Variants in ITFG1 observed in about 807,000 individuals in gnomAD.
The protein encoded by ITFG1 is integrin alpha FG-GAP repeat containing 1, also known as T-cell immunomodulatory protein.
Under a neutral mutation model 81.8 loss-of-function variants are expected in ITFG1, and 34 were observed. The observed-to-expected ratio is 0.42, with a 90% CI of 0.32 to 0.55. The LOEUF is 0.55. Among genes scored for constraint, ITFG1 ranks in the 20% least tolerant of loss-of-function variants. The pLI, the probability that ITFG1 is intolerant of heterozygous loss-of-function variation, is 0.17. For synonymous variants in ITFG1, 285 were observed against 270.6 expected, an observed-to-expected ratio of 1.05 and a Z score of -0.52; for missense variants, 672 against 755.4, an observed-to-expected ratio of 0.89 and a Z score of 1.29.
intron 12 of ITFG1, among the ~76,000 whole-genome samples, chr16:47,241,661 G>C (rs985637077): frequency 3.9e-5 from 6 of 152,142 alleles, no homozygotes; most frequent in African/African-American, 9.7e-5. Context: ...GGGGGACTAA[G>C]AGTGACAGAC....
intron 6 of ITFG1, among the ~76,000 whole-genome samples, chr16:47,410,641 C>T (rs1287839689): frequency 1.3e-5 from 2 of 152,130 alleles, no homozygotes; most frequent in Non-Finnish European, 2.9e-5. Context: ...TGACGAGTTC[C>T]TGGCCCTAAA....
At chr16:47,185,489 A>T (rs1207084627) in intron 14 of ITFG1, among the ~76,000 whole-genome samples, 2 of 152,210 alleles carry the variant, frequency 1.3e-5, no homozygotes, top group African/African-American at 4.8e-5. Context: ...ATGGAAACTG[A>T]ACAACCTGCT....
At chr16:47,449,533 G>C (rs1969363390) in intron 5 of ITFG1, 2 of 152,172 alleles carry the variant, frequency 1.3e-5, no homozygotes, top group Non-Finnish European at 2.9e-5. Context: ...ATTTCTGTCA[G>C]CTTATATATC....
At chr16:47,437,773 C>T (rs554607906) in intron 5 of ITFG1, among the ~76,000 whole-genome samples, 62 of 152,322 alleles carry the variant, frequency 4.1e-4, no homozygotes, top group Non-Finnish European at 7.1e-4. Context: ...CTGTGAGTGA[C>T]GTAGAAGACG....
At position 47,226,301 on chromosome 16, in the gene ITFG1, C is replaced by T. The variant is rs150086248; in HGVS notation, c.1375-7355G>A. ...CTGGGCTCACTGCAACCTCCGCCTC[C>T]GGGGTTCAAGCAAGTCTTCTGCCTC... On this transcript the variant is annotated intron_variant, in intron 13 of 17. Coordinates refer to ENST00000320640, the MANE Select transcript of ITFG1 (RefSeq NM_030790.5). Among the ~76,000 whole-genome samples the T allele has an allele frequency of 9.8e-5, 15 of 152,318 alleles. No homozygotes were observed. In the East Asian group the frequency reaches 1.3e-3, roughly 14 times the overall value.
At chr16:47,266,363 G>T (rs1033500552) in intron 10 of ITFG1, among the ~76,000 whole-genome samples, 1 of 152,002 alleles carries the variant, frequency 6.6e-6, no homozygotes, top group Non-Finnish European at 1.5e-5. Flanking sequence ...AATTACAGGC[G>T]CCTGCAATCA....
intron 8 of ITFG1, among the ~76,000 whole-genome samples, chr16:47,318,778 A>G (rs1416620620): frequency 6.6e-6 from 1 of 152,190 alleles, no homozygotes; most frequent in Non-Finnish European, 1.5e-5. Flanking sequence ...AAGTTTTTGA[A>G]AAAAGAGTAG....
At chr16:47,224,629 G>A (rs1394465197) in intron 13 of ITFG1, among the ~76,000 whole-genome samples, 4 of 152,038 alleles carry the variant, frequency 2.6e-5, no homozygotes, top group East Asian at 1.9e-4. Flanking sequence ...TGGAGTTGAC[G>A]TATAGTTAAA....
chr16:47,452,757 A>G lies in ITFG1; in HGVS notation c.461T>C (p.Phe154Ser). Residue 154 changes from phenylalanine to serine, a missense_variant, in exon 4 of 18, where the codon TTT becomes TCT. Phe to Ser is a radical substitution (Grantham distance 155). This residue lies in a region of ITFG1 where 560 missense variants were observed against 625.7 expected (regional missense o/e 0.90). Coordinates refer to ENST00000320640, the MANE Select transcript of ITFG1 (RefSeq NM_030790.5). ...CTCCATAATTAGTGGCTCATCTTGAAAAGTCCTATTGAGTATGGTCATATT... is the reference window on the plus strand; with the variant it reads ...CTCCATAATTAGTGGCTCATCTTGAGAAGTCCTATTGAGTATGGTCATATT... ...PNNMTILNRT[F>S]QDEPLIMDFN... The G allele has an allele frequency of 1.9e-6, 3 of 1,588,644 alleles. No homozygotes were observed. Among genetic ancestry groups the G allele is most frequent in the Non-Finnish European group, 2.6e-6 (3 of 1,164,390 alleles).
chr16:47,181,193 AT>A, intron 14 of ITFG1, among the ~76,000 whole-genome samples: 1 of 135,542 alleles, frequency 7.4e-6, no homozygotes, highest in South Asian at 2.6e-4. Flanking sequence ...CGGCCGCCCC[AT>A]CTGAGAAGTG....
At chr16:47,384,444 C>T (rs1968434431) in intron 6 of ITFG1, among the ~76,000 whole-genome samples, 1 of 152,174 alleles carries the variant, frequency 6.6e-6, no homozygotes, top group African/African-American at 2.4e-5. Flanking sequence ...TCTTAGTTCA[C>T]TTTCTACACA....
At chr16:47,169,432 G>A (rs1463634409) in intron 14 of ITFG1, among the ~76,000 whole-genome samples, 1 of 151,402 alleles carries the variant, frequency 6.6e-6, no homozygotes, top group Non-Finnish European at 1.5e-5. Flanking sequence ...ATATTCCTAG[G>A]TGTTTTACTC....
intron 8 of ITFG1, among the ~76,000 whole-genome samples, chr16:47,349,367 C>T (rs1054998184): frequency 1.6e-4 from 24 of 152,098 alleles, no homozygotes; most frequent in Non-Finnish European, 2.9e-4. Flanking sequence ...GGAGGAAGAT[C>T]TACCAAGCAA....
At chr16:47,218,418 C>A (rs989594409) in intron 14 of ITFG1, 2 of 151,786 alleles carry the variant, frequency 1.3e-5, no homozygotes, top group African/African-American at 4.8e-5. Flanking sequence ...CAGATTTTTT[C>A]TTTATAATAA....
chr16:47,352,743 A>G (rs1967980603), intron 8 of ITFG1, among the ~76,000 whole-genome samples: 1 of 152,210 alleles, frequency 6.6e-6, no homozygotes, highest in Non-Finnish European at 1.5e-5. Flanking sequence ...ATGCTGCTAT[A>G]AAGACACATG....
chr16:47,336,718 C>T (rs1168382636), intron 8 of ITFG1, among the ~76,000 whole-genome samples: 1 of 151,688 alleles, frequency 6.6e-6, no homozygotes, highest in Non-Finnish European at 1.5e-5. Flanking sequence ...AATCCCAGCA[C>T]TTTGGGAGGC....
At position 47,155,612 on chromosome 16, in the gene ITFG1, T is replaced by C; in HGVS notation, c.*107A>G. 1 of 723,016 alleles carries C rather than the reference T, an allele frequency of 1.4e-6. No homozygotes were observed. The highest frequency in any genetic ancestry group is 1.8e-5 in the South Asian group (1 of 54,634). The allele number at this position is 723,016 out of a possible 1,614,324, so 44.8% of individuals were successfully genotyped here. On this transcript the variant is annotated 3_prime_UTR_variant, in exon 18 of 18. Transcript: ENST00000320640. ...ATACTTTCCAATAATTACCATGGGA[T>C]ACATCATTTATAAATAATATTTAAT...
At chr16:47,171,029 CTTT>C (rs61494352) in intron 14 of ITFG1, among the ~76,000 whole-genome samples, 24 of 97,712 alleles carry the variant, frequency 2.5e-4, no homozygotes, top group Admixed American at 4.4e-4. Context: ...GCCACTGTGC[CTTT>C]TTTTTTTTTT....
chr16:47,253,427 A>G (rs189998481), intron 12 of ITFG1, among the ~76,000 whole-genome samples: 1 of 152,310 alleles, frequency 6.6e-6, no homozygotes, highest in East Asian at 1.9e-4. Context: ...ACTGTCAGGT[A>G]GTTTGCTGTC....
Sources: gnomAD v4.1 joint callset for allele counts (sites outside exome capture counted in the v4.1 genomes callset) on GRCh38, gnomAD v4.1.1 for gene constraint, gnomAD v4.1.1 regional missense constraint, MANE v1.5 for transcripts, NCBI Gene and HGNC (gene_info 2026-07-23, HGNC 2026-07-21) for gene names.